The following SPOCK3 variants were observed in gnomAD, a reference collection of about 807,000 sequenced individuals.
SPOCK3 encodes SPARC (osteonectin), cwcv and kazal like domains proteoglycan 3, also known as testican-3.
In SPOCK3, 30 loss-of-function variants were observed where a neutral mutation model predicts 56.6. That is an observed-to-expected ratio of 0.53 (90% CI 0.40 to 0.72). The LOEUF (loss-of-function observed/expected upper bound fraction) is 0.72, where lower values mean the gene tolerates loss of function less well. Among genes scored for constraint, SPOCK3 ranks in the 30% least tolerant of loss-of-function variants. The pLI is 0.00. For missense variants in SPOCK3, 527 were observed against 530.0 expected, an observed-to-expected ratio of 0.99 and a Z score of 0.06; for synonymous variants, 196 against 183.3, an observed-to-expected ratio of 1.07 and a Z score of -0.56.
chr4:166,776,187 G>C (rs1164906862), intron 7 of SPOCK3, among the ~76,000 whole-genome samples: 1 of 152,092 alleles, frequency 6.6e-6, no homozygotes, highest in African/African-American at 2.4e-5. Context: ...GGCTAAGGCA[G>C]GTGGACCAGG....
chr4:166,827,266 G>A (rs1176251649), intron 6 of SPOCK3, among the ~76,000 whole-genome samples: 2 of 152,014 alleles, frequency 1.3e-5, no homozygotes, highest in Non-Finnish European at 2.9e-5. Flanking sequence ...TTTGACAAGG[G>A]ATTTAATTAC....
At chr4:166,845,235 TATA>T (rs1370994862) in intron 6 of SPOCK3, among the ~76,000 whole-genome samples, 9 of 152,190 alleles carry the variant, frequency 5.9e-5, no homozygotes, top group Admixed American at 6.5e-5. Flanking sequence ...GTTGAAATCA[TATA>T]ATAATTAGCA....
chr4:166,844,937 C>T (rs1747899717), intron 6 of SPOCK3, among the ~76,000 whole-genome samples: 1 of 152,186 alleles, frequency 6.6e-6, no homozygotes, highest in African/African-American at 2.4e-5. Context: ...CTAATCTTAC[C>T]TGTCCGTGGT....
chr4:166,917,708 C>T (rs1260600854), intron 4 of SPOCK3, among the ~76,000 whole-genome samples: 4 of 151,950 alleles, frequency 2.6e-5, no homozygotes, highest in Non-Finnish European at 4.4e-5. Context: ...TTTCTCTTTC[C>T]TGCTCCTTCG....
chr4:166,861,233 C>T (rs1272874381), intron 6 of SPOCK3, among the ~76,000 whole-genome samples: 1 of 151,990 alleles, frequency 6.6e-6, no homozygotes, highest in Non-Finnish European at 1.5e-5. Context: ...AAATTAAAAA[C>T]CTGGATAAGA....
At chr4:167,090,211 T>C (rs1312588147) in intron 2 of SPOCK3, among the ~76,000 whole-genome samples, 1 of 152,188 alleles carries the variant, frequency 6.6e-6, no homozygotes, top group Non-Finnish European at 1.5e-5. Context: ...GCTTCCCAAA[T>C]TGGTTGTACC....
At chr4:166,746,656 A>G (rs1327027878) in intron 8 of SPOCK3, among the ~76,000 whole-genome samples, 6 of 152,104 alleles carry the variant, frequency 3.9e-5, no homozygotes, top group Non-Finnish European at 8.8e-5. Flanking sequence ...GAAGGAGATA[A>G]AGACACAAAA....
chr4:166,867,370 T>C (rs992818305), intron 6 of SPOCK3, among the ~76,000 whole-genome samples: 70 of 151,920 alleles, frequency 4.6e-4, no homozygotes, highest in Non-Finnish European at 8.8e-5. Flanking sequence ...TGTTCCATAC[T>C]CGTGAGAAAA....
chr4:167,151,182 A>G (rs917200189), intron 2 of SPOCK3, among the ~76,000 whole-genome samples: 2 of 152,188 alleles, frequency 1.3e-5, no homozygotes, highest in Non-Finnish European at 2.9e-5. Context: ...TAGGCCTCAG[A>G]CATCAACAAC....
chr4:166,961,763 G>T (rs536117184), intron 4 of SPOCK3, among the ~76,000 whole-genome samples: 1 of 151,992 alleles, frequency 6.6e-6, no homozygotes, highest in Admixed American at 6.6e-5. Context: ...AGTCAAAAAC[G>T]TCAAAAATAT....
chr4:166,797,212 G>C (rs1742030895), intron 6 of SPOCK3, among the ~76,000 whole-genome samples: 1 of 145,046 alleles, frequency 6.9e-6, no homozygotes, highest in Non-Finnish European at 1.5e-5. Flanking sequence ...TATAATTTAA[G>C]TGGCATGGAT....
At chr4:166,876,656 T>G (rs909813883) in intron 6 of SPOCK3, among the ~76,000 whole-genome samples, 1 of 152,164 alleles carries the variant, frequency 6.6e-6, no homozygotes, top group African/African-American at 2.4e-5. Context: ...TACTATATTA[T>G]AGCAAAAATT....
chr4:166,765,485 T>G (rs901183969), intron 7 of SPOCK3, among the ~76,000 whole-genome samples: 1 of 152,200 alleles, frequency 6.6e-6, no homozygotes, highest in African/African-American at 2.4e-5. Flanking sequence ...TTGTCAAAGA[T>G]CAGATGGTTG....
At chr4:167,204,986 C>G (rs1441490524) in intron 2 of SPOCK3, among the ~76,000 whole-genome samples, 1 of 147,686 alleles carries the variant, frequency 6.8e-6, no homozygotes, top group South Asian at 2.1e-4. Context: ...GGGTCGTGCA[C>G]AGTACCATCA....
intron 4 of SPOCK3, among the ~76,000 whole-genome samples, chr4:166,932,740 G>T (rs2149999877): frequency 6.6e-6 from 1 of 152,194 alleles, no homozygotes; most frequent in African/African-American, 2.4e-5. Flanking sequence ...GGATGCACAG[G>T]TAAGTAGATA....
At chr4:167,157,500 G>A (rs1005690226) in intron 2 of SPOCK3, among the ~76,000 whole-genome samples, 4 of 151,658 alleles carry the variant, frequency 2.6e-5, no homozygotes, top group African/African-American at 9.7e-5. Flanking sequence ...AGAAAAAAAT[G>A]AGGTGGGGGT....
At chr4:166,997,140 A>G (rs879944271) in intron 4 of SPOCK3, among the ~76,000 whole-genome samples, 1 of 151,850 alleles carries the variant, frequency 6.6e-6, no homozygotes, top group African/African-American at 2.4e-5. Flanking sequence ...GAGGGGAACA[A>G]CACACACTGT....
intron 4 of SPOCK3, among the ~76,000 whole-genome samples, chr4:166,923,173 T>G (rs1255236713): frequency 6.6e-6 from 1 of 152,184 alleles, no homozygotes; most frequent in Non-Finnish European, 1.5e-5. Context: ...GCTACAACTT[T>G]CTACTCCATC....
intron 6 of SPOCK3, among the ~76,000 whole-genome samples, chr4:166,837,718 G>C (rs553411788): frequency 2.6e-5 from 4 of 152,040 alleles, no homozygotes; most frequent in Admixed American, 6.5e-5. Flanking sequence ...CACTCAATAG[G>C]AAAAGGAAAG....
Sources: allele counts gnomAD v4.1 joint callset (sites outside exome capture counted in the v4.1 genomes callset), GRCh38; gene constraint gnomAD v4.1.1; transcripts MANE v1.5; gene names NCBI Gene and HGNC (gene_info 2026-07-23, HGNC 2026-07-21).